UBA6: variants seen among roughly 807,000 people sequenced by gnomAD.
UBA6 encodes ubiquitin-like modifier-activating enzyme 6.
A neutral mutation model predicts 148.3 loss-of-function variants in UBA6; 87 were observed. That is an observed-to-expected ratio of 0.59 (90% CI 0.49 to 0.70). The LOEUF (loss-of-function observed/expected upper bound fraction) is 0.70. Ranked by LOEUF, UBA6 falls within the 30% of genes least tolerant of loss-of-function variation. The pLI is 0.00. For missense variants in UBA6, 1,186 were observed against 1,241.2 expected (o/e 0.96, Z 0.67); for synonymous variants, 376 against 401.0 (o/e 0.94, Z 0.75).
chr4:67,619,914 A>G (rs1728714772), intron 32 of UBA6, among the ~76,000 whole-genome samples: 1 of 151,516 alleles, frequency 6.6e-6, no homozygotes. Flanking sequence ...TCTCTTTTCT[A>G]CTTCCAATCT....
intron 10 of UBA6, 148 bp downstream of exon 10, chr4:67,665,041 C>T: frequency 8.0e-6 from 4 of 501,858 alleles, no homozygotes; most frequent in South Asian, 3.9e-5. Context: ...ATTCCATTTC[C>T]CTCAAAGTGG....
chr4:67,641,129 T>C lies in UBA6; in HGVS notation c.1554+22A>G, dbSNP rs776462686. 1.4e-5 allele frequency: 21 copies of C among 1,463,870 alleles called. No homozygotes were observed. The Admixed American group carries it at 4.3e-4, about 30-fold the overall frequency. 90.7% of individuals were successfully genotyped at this position (1,463,870 alleles called of 1,614,324 possible). On this transcript the variant is annotated intron_variant, in intron 18 of 32. Transcript: ENST00000322244. ...TTTTTGTATAATACATGATTTAAAT[T>C]TGAAACAGAATAGCAACATACCTGT...
Position 67,625,013 on chromosome 4 carries a change from G to C in UBA6, c.2693C>G (p.Thr898Ser). ...GKIIPAIATT[T>S]ATVSGLVALE... ...ACTTACCAAGCCAGAAACTGTAGCAGTGGTTGTTGCTATAGCAGGTATAAT... is the reference window on the plus strand; with the variant it reads ...ACTTACCAAGCCAGAAACTGTAGCACTGGTTGTTGCTATAGCAGGTATAAT... The change falls in exon 29 of 33, where the codon ACT (threonine) becomes AGT (serine). Residue 898 changes from threonine (T) to serine (S), a missense_variant. Physicochemically the swap from Thr to Ser is moderately conservative, Grantham distance 58 (BLOSUM62 1). Transcript: ENST00000322244. 6 of 1,608,520 alleles carry C rather than the reference G, an allele frequency of 3.7e-6. No individual in the cohort carries two copies. The highest frequency in any genetic ancestry group is 4.3e-6 in the Non-Finnish European group (5 of 1,176,054).
At chr4:67,691,796 T>TAA (rs35909302) in intron 2 of UBA6, among the ~76,000 whole-genome samples, 3 of 140,900 alleles carry the variant, frequency 2.1e-5, no homozygotes, top group Non-Finnish European at 4.7e-5. Flanking sequence ...AGGACCATTG[T>TAA]AAAAAAAAAA....
intron 7 of UBA6, among the ~76,000 whole-genome samples, chr4:67,673,094 A>G (rs1730188752): frequency 6.6e-6 from 1 of 152,182 alleles, no homozygotes; most frequent in African/African-American, 2.4e-5. Flanking sequence ...TGTCTCCAAT[A>G]CATAGATAGT....
At chr4:67,684,474 T>G (rs934361400) in intron 2 of UBA6, among the ~76,000 whole-genome samples, 4 of 152,228 alleles carry the variant, frequency 2.6e-5, no homozygotes, top group African/African-American at 9.6e-5. Flanking sequence ...ATTTCTAATT[T>G]TATGGGACAT....
At position 67,698,659 on chromosome 4, in the gene UBA6, T is replaced by TA. The variant is rs11401919; in HGVS notation, c.72-1953dup. On this transcript the variant is annotated intron_variant, in intron 1 of 32. Coordinates refer to ENST00000322244, the MANE Select transcript of UBA6 (RefSeq NM_018227.6). ...TGATATTAGACATAAAGGAAACACT[T>TA]AAAAAAACCTGTTAAATGGGATGGG... Among the ~76,000 whole-genome samples, 756 of 152,142 alleles carry TA rather than the reference T, an allele frequency of 5.0e-3. 9 individuals carry two copies. Among genetic ancestry groups the TA allele is most frequent in the African/African-American group, 0.017 (708 of 41,508 alleles).
intron 2 of UBA6, among the ~76,000 whole-genome samples, chr4:67,686,899 A>G (rs547121055): frequency 1.9e-4 from 26 of 134,678 alleles, no homozygotes; most frequent in African/African-American, 7.2e-4. Context: ...GGTTACAGAG[A>G]GCTATGATCA....
chr4:67,683,038 G>A (rs1037085391), intron 2 of UBA6, among the ~76,000 whole-genome samples: 1 of 152,068 alleles, frequency 6.6e-6, no homozygotes, highest in South Asian at 2.1e-4. Flanking sequence ...TTCTTATCTA[G>A]AGAGACAAAA....
intron 14 of UBA6, among the ~76,000 whole-genome samples, chr4:67,647,775 GTTTT>G (rs397878457): frequency 7.5e-6 from 1 of 133,210 alleles, no homozygotes. Context: ...TTCTCATGGT[GTTTT>G]TTTTTTTTTT....
chr4:67,648,191 GGGCGCAGT>G (rs981488107), intron 14 of UBA6, among the ~76,000 whole-genome samples: 73 of 151,762 alleles, frequency 4.8e-4, no homozygotes, highest in African/African-American at 1.7e-3. Context: ...AAAATGAGCC[GGGCGCAGT>G]GGCTCACGCC....
intron 13 of UBA6, among the ~76,000 whole-genome samples, chr4:67,655,995 T>G (rs1157938665): frequency 6.6e-6 from 1 of 152,098 alleles, no homozygotes; most frequent in Non-Finnish European, 1.5e-5. Flanking sequence ...CCAGAAAAAG[T>G]TGAATCTCTG....
Position 67,618,690 on chromosome 4 carries a change from CA to C in UBA6, c.*306del. On this transcript the variant is annotated 3_prime_UTR_variant, in exon 33 of 33. Coordinates refer to ENST00000322244, the MANE Select transcript of UBA6 (RefSeq NM_018227.6). ...TTCATCCATATCTGTTCTGGTCATA[CA>C]TATTTTTTCCTTCTTTTTATCCAGA... 4.6e-6 allele frequency: 1 copy of C among 216,846 alleles called. No individual in the cohort carries two copies. The highest frequency in any genetic ancestry group is 1.6e-4 in the South Asian group (1 of 6,226). 13.4% of individuals were successfully genotyped at this position (216,846 alleles called of 1,614,324 possible). A position where few individuals can be genotyped will look rare whatever the true frequency, so the allele number is the denominator to read the frequency against.
At chr4:67,622,608 G>T (rs1463325465) in intron 32 of UBA6, among the ~76,000 whole-genome samples, 3 of 152,180 alleles carry the variant, frequency 2.0e-5, no homozygotes, top group Admixed American at 6.5e-5. Context: ...TTACTTAAGT[G>T]TACTGGCCAA....
At chr4:67,645,504 C>T (rs749729325) in intron 16 of UBA6, among the ~76,000 whole-genome samples, 4 of 151,554 alleles carry the variant, frequency 2.6e-5, no homozygotes, top group African/African-American at 4.9e-5. Flanking sequence ...GAGGCTGAGG[C>T]AAGAGAATCA....
At chr4:67,674,534 G>A (rs563161021) in intron 6 of UBA6, among the ~76,000 whole-genome samples, 1 of 152,288 alleles carries the variant, frequency 6.6e-6, no homozygotes, top group South Asian at 2.1e-4. Flanking sequence ...TTGGGGGACG[G>A]GGGCGAGGAA....
chr4:67,633,399 C>A lies in UBA6; in HGVS notation c.2088G>T (p.Trp696Cys). 5.0e-6 allele frequency: 8 copies of A among 1,610,864 alleles called. No homozygotes were observed. The highest frequency in any genetic ancestry group is 6.8e-6 in the Non-Finnish European group (8 of 1,179,072). Residue 696 changes from tryptophan to cysteine, a missense_variant, in exon 23 of 33, where the codon TGG becomes TGT. By Grantham distance (215) the Trp-to-Cys change is radical (BLOSUM62 -2). Transcript: ENST00000322244. ...IKLLSRRPRN[W>C]SQCVELARLK... ...ATCTTGCTAATTCTACACACTGGGA[C>A]CAATTTCTAGGTCTTCTGCTAAGTA...
chr4:67,663,988 T>C, intron 10 of UBA6, 41 bp from the exon 11 acceptor site: 2 of 1,502,216 alleles, frequency 1.3e-6, no homozygotes, highest in Non-Finnish European at 1.8e-6. Flanking sequence ...AGTGAGTGAG[T>C]GATTATTTGA....
chr4:67,674,566 A>AT (rs1270716988), intron 6 of UBA6, among the ~76,000 whole-genome samples: 1 of 152,100 alleles, frequency 6.6e-6, no homozygotes, highest in Non-Finnish European at 1.5e-5. Flanking sequence ...ATATGCTCAT[A>AT]TTTTTTATTA....
Sources: gnomAD v4.1 joint callset for allele counts (sites outside exome capture counted in the v4.1 genomes callset) on GRCh38, gnomAD v4.1.1 for gene constraint, MANE v1.5 for transcripts, NCBI Gene and HGNC (gene_info 2026-07-23, HGNC 2026-07-21) for gene names.